ENOX1: variants seen among roughly 807,000 people sequenced by gnomAD.
The protein encoded by ENOX1 is ecto-NOX disulfide-thiol exchanger 1.
ENOX1 carries 42 observed loss-of-function variants against 82.5 expected under a neutral mutation model. That is an observed-to-expected ratio of 0.51 (90% confidence interval 0.40 to 0.66). ENOX1 has a LOEUF of 0.66. Ranked by LOEUF, ENOX1 falls within the 30% of genes least tolerant of loss-of-function variation. The pLI is 0.00. For missense variants in ENOX1, 608 were observed against 811.6 expected, an observed-to-expected ratio of 0.75 and a Z score of 3.05; for synonymous variants, 271 against 282.2, an observed-to-expected ratio of 0.96 and a Z score of 0.40.
chr13:43,375,493 T>C (rs1269472992), intron 5 of ENOX1, among the ~76,000 whole-genome samples: 2 of 152,160 alleles, frequency 1.3e-5, no homozygotes, highest in African/African-American at 2.4e-5. Context: ...GCTGGGGGCA[T>C]AGAGGTAAGT....
chr13:43,272,113 T>C (rs1593637783), intron 12 of ENOX1, among the ~76,000 whole-genome samples: 1 of 152,194 alleles, frequency 6.6e-6, no homozygotes, highest in South Asian at 2.1e-4. Flanking sequence ...TTTTTTATTA[T>C]ACTTTAAGTT....
chr13:43,217,601 GC>G (rs2041556527), intron 16 of ENOX1, among the ~76,000 whole-genome samples: 1 of 152,046 alleles, frequency 6.6e-6, no homozygotes, highest in Admixed American at 6.6e-5. Context: ...ACAAGCAAGT[GC>G]CCCCCTCACT....
At chr13:43,380,621 T>C (rs2051973854) in intron 5 of ENOX1, among the ~76,000 whole-genome samples, 1 of 151,680 alleles carries the variant, frequency 6.6e-6, no homozygotes, top group African/African-American at 2.4e-5. Flanking sequence ...CAATCCAATA[T>C]ATCAGATTGG....
chr13:43,343,623 G>C (rs2049195652), intron 9 of ENOX1, among the ~76,000 whole-genome samples: 1 of 152,146 alleles, frequency 6.6e-6, no homozygotes, highest in Non-Finnish European at 1.5e-5. Flanking sequence ...TGTTTGCACT[G>C]ATGAAAGAGG....
At chr13:43,579,010 T>G (rs1172356709) in intron 2 of ENOX1, among the ~76,000 whole-genome samples, 4 of 152,086 alleles carry the variant, frequency 2.6e-5, no homozygotes, top group African/African-American at 4.8e-5. Context: ...TTCATTTTTT[T>G]TTTCCTTCTG....
chr13:43,356,767 T>C (rs1025336691), intron 7 of ENOX1, among the ~76,000 whole-genome samples: 1 of 152,116 alleles, frequency 6.6e-6, no homozygotes, highest in Non-Finnish European at 1.5e-5. Flanking sequence ...TTATTTCCAC[T>C]TATCCTCTGG....
chr13:43,534,785 T>A (rs141207408), intron 2 of ENOX1, among the ~76,000 whole-genome samples: 3 of 152,218 alleles, frequency 2.0e-5, no homozygotes, highest in Non-Finnish European at 4.4e-5. Flanking sequence ...GTGTTGCCAC[T>A]AGCAACTAGT....
intron 3 of ENOX1, among the ~76,000 whole-genome samples, chr13:43,441,675 C>T (rs201493238): frequency 6.7e-6 from 1 of 148,584 alleles, no homozygotes; most frequent in Admixed American, 6.7e-5. Context: ...GGCGGCACTG[C>T]GGGTCTGCTG....
chr13:43,485,980 G>A (rs1053345964), intron 2 of ENOX1, among the ~76,000 whole-genome samples: 1 of 152,200 alleles, frequency 6.6e-6, no homozygotes, highest in Non-Finnish European at 1.5e-5. Flanking sequence ...GGAGGCCGAG[G>A]TGGGTGGATC....
intron 3 of ENOX1, among the ~76,000 whole-genome samples, chr13:43,445,322 A>C (rs370294278): frequency 1.3e-5 from 2 of 151,966 alleles, no homozygotes; most frequent in Admixed American, 1.3e-4. Flanking sequence ...ATGGGGTTTC[A>C]CCGTGTTAGC....
intron 2 of ENOX1, among the ~76,000 whole-genome samples, chr13:43,637,495 C>T (rs1333525208): frequency 6.6e-6 from 1 of 150,946 alleles, no homozygotes; most frequent in Non-Finnish European, 1.5e-5. Context: ...GCCTTTGTTC[C>T]CTGAAGATCT....
intron 2 of ENOX1, among the ~76,000 whole-genome samples, chr13:43,573,218 T>G (rs2080261609): frequency 6.6e-6 from 1 of 152,160 alleles, no homozygotes; most frequent in Non-Finnish European, 1.5e-5. Flanking sequence ...CTGCCTCACA[T>G]CCTCATGCTA....
At chr13:43,279,838 A>G (rs1242203375) in intron 12 of ENOX1, among the ~76,000 whole-genome samples, 4 of 152,236 alleles carry the variant, frequency 2.6e-5, no homozygotes, top group Non-Finnish European at 5.9e-5. Context: ...GTTCAGCCCC[A>G]GCCTAGCCAT....
At chr13:43,563,895 C>T (rs189653067) in intron 2 of ENOX1, among the ~76,000 whole-genome samples, 29 of 151,694 alleles carry the variant, frequency 1.9e-4, no homozygotes, top group Admixed American at 1.2e-3. Flanking sequence ...AGGGCTTCAC[C>T]GCTGAATTCT....
intron 11 of ENOX1, among the ~76,000 whole-genome samples, chr13:43,302,507 A>C (rs544183447): frequency 6.6e-6 from 1 of 152,230 alleles, no homozygotes; most frequent in South Asian, 2.1e-4. Flanking sequence ...AAATGAAATA[A>C]TAAAATTGGA....
At chr13:43,703,939 C>A (rs2087078756) in intron 1 of ENOX1, among the ~76,000 whole-genome samples, 1 of 151,648 alleles carries the variant, frequency 6.6e-6, no homozygotes, top group African/African-American at 2.4e-5. Context: ...CTTCCTCATG[C>A]TCAAACCTGA....
chr13:43,639,256 G>A (rs927123552), intron 2 of ENOX1, among the ~76,000 whole-genome samples: 5 of 151,988 alleles, frequency 3.3e-5, no homozygotes, highest in Non-Finnish European at 5.9e-5. Context: ...GAGCTGAGAC[G>A]GCGCCACTGC....
rs150985315 is a variant in ENOX1 at position 43,513,290 on chromosome 13, T to C, written c.-218-29138A>G. ...CGCCACTGCACTCCAGCCTGGGTGA[T>C]AGAGCAGGGGAAGAAAGGGTGTAAA... On this transcript the variant is annotated intron_variant, in intron 2 of 16. Coordinates refer to ENST00000690772, the MANE Select transcript of ENOX1 (RefSeq NM_001347969.2). Among the ~76,000 whole-genome samples the C allele has an allele frequency of 3.4e-3, 513 of 151,928 alleles. 2 individuals carry two copies. Among genetic ancestry groups the C allele is most frequent in the African/African-American group, 0.011 (460 of 41,456 alleles).
intron 2 of ENOX1, among the ~76,000 whole-genome samples, chr13:43,584,995 G>A (rs373575313): frequency 1.3e-5 from 2 of 152,138 alleles, no homozygotes; most frequent in Admixed American, 1.3e-4. Flanking sequence ...AGATGTGAAC[G>A]TCCTAATCCC....
Sources: gnomAD v4.1 joint callset for allele counts (sites outside exome capture counted in the v4.1 genomes callset) on GRCh38, gnomAD v4.1.1 for gene constraint, MANE v1.5 for transcripts, NCBI Gene and HGNC (gene_info 2026-07-23, HGNC 2026-07-21) for gene names.